Variants in VPS8 observed in about 807,000 individuals in gnomAD.
VPS8 encodes VPS8 subunit of CORVET complex, also known as vacuolar protein sorting-associated protein 8 homolog.
In VPS8, 129 loss-of-function variants were observed where a neutral mutation model predicts 216.4. The observed-to-expected ratio is 0.60, with a 90% CI of 0.52 to 0.69. The LOEUF is 0.69. Ranked by LOEUF, VPS8 falls within the 30% of genes least tolerant of loss-of-function variation. The probability of loss-of-function intolerance (pLI) is 0.00; values close to 1 mark genes in which losing one functional copy is unlikely to be tolerated. For synonymous variants in VPS8, 571 were observed against 565.4 expected (o/e 1.01, Z -0.14); for missense variants, 1,531 against 1,683.5 (o/e 0.91, Z 1.59).
At chr3:184,966,794 A>C in intron 39 of VPS8, 81 bp downstream of exon 39, 1 of 1,072,214 alleles carries the variant, frequency 9.3e-7, no homozygotes, top group South Asian at 1.7e-5. Flanking sequence ...TGCATTTATT[A>C]TGTAATAATT....
At chr3:185,051,289 T>G (rs989650063) in intron 47 of VPS8, among the ~76,000 whole-genome samples, 1 of 152,028 alleles carries the variant, frequency 6.6e-6, no homozygotes, top group African/African-American at 2.4e-5. Flanking sequence ...ATAAGGAAGC[T>G]GGGAGCAAAG....
At chr3:184,928,931 T>G (rs952309759) in intron 32 of VPS8, among the ~76,000 whole-genome samples, 5 of 152,196 alleles carry the variant, frequency 3.3e-5, no homozygotes, top group African/African-American at 1.2e-4. Flanking sequence ...GTATGCTGTA[T>G]TTATATGACA....
chr3:184,860,462 CACACAT>C (rs1291442671), intron 15 of VPS8, among the ~76,000 whole-genome samples: 1 of 77,000 alleles, frequency 1.3e-5, no homozygotes, highest in East Asian at 5.3e-4. Context: ...TATGTATACA[CACACAT>C]ACACACACAC....
At chr3:185,051,492 C>T (rs1466226558) in intron 47 of VPS8, among the ~76,000 whole-genome samples, 1 of 152,054 alleles carries the variant, frequency 6.6e-6, no homozygotes, top group Admixed American at 6.5e-5. Context: ...GAGCTGAGAA[C>T]AGAGCTCCTC....
In VPS8 at chr3:184,815,277, T is replaced by C. The variant is rs143039513; in HGVS notation, c.-89+3052T>C. 3.5e-3 allele frequency among the ~76,000 whole-genome samples: 526 copies of C among 152,336 alleles called. 8 individuals carry two copies. Among genetic ancestry groups the C allele is most frequent in the African/African-American group, 0.012 (495 of 41,576 alleles). Reference sequence around the variant, plus strand: ...GCACATAGTTTATTATCAAGTATTATGTACTGCACATAATTGTATGTGCTT... The same window carrying C: ...GCACATAGTTTATTATCAAGTATTACGTACTGCACATAATTGTATGTGCTT... On this transcript the variant is annotated intron_variant, in intron 1 of 47. Transcript: ENST00000625842.
chr3:184,819,985 C>T (rs1007176068), intron 1 of VPS8, among the ~76,000 whole-genome samples: 17 of 152,086 alleles, frequency 1.1e-4, no homozygotes, highest in Non-Finnish European at 7.4e-5. Context: ...CTTGTCTGAA[C>T]GTTGAGTAGG....
At chr3:184,996,638 C>T in intron 44 of VPS8, 137 bp downstream of exon 44, 2 of 963,222 alleles carry the variant, frequency 2.1e-6, no homozygotes, top group East Asian at 5.1e-5. Context: ...ACAGACCTTA[C>T]ATTCTGCATT....
chr3:184,843,838 AAGTTTT>A (rs1722622040), intron 8 of VPS8, among the ~76,000 whole-genome samples: 1 of 152,182 alleles, frequency 6.6e-6, no homozygotes, highest in South Asian at 2.1e-4. Context: ...TTTACTGTTT[AAGTTTT>A]AAAGTACAGT....
At chr3:184,974,909 G>A (rs770489910) in intron 40 of VPS8, among the ~76,000 whole-genome samples, 10 of 151,976 alleles carry the variant, frequency 6.6e-5, no homozygotes, top group African/African-American at 9.7e-5. Context: ...CTATTTCGTT[G>A]GTCTATGTGT....
intron 45 of VPS8, among the ~76,000 whole-genome samples, chr3:185,020,251 T>C (rs1302456929): frequency 2.0e-5 from 3 of 152,230 alleles, no homozygotes; most frequent in Non-Finnish European, 2.9e-5. Context: ...AACTGCTTTG[T>C]AGCCATGAAA....
intron 45 of VPS8, among the ~76,000 whole-genome samples, chr3:185,018,258 T>G (rs1425292002): frequency 6.6e-6 from 1 of 152,252 alleles, no homozygotes; most frequent in African/African-American, 2.4e-5. Context: ...CAGCCGGATC[T>G]GCAATCACCT....
At chr3:184,872,954 A>G (rs1464163254) in intron 21 of VPS8, among the ~76,000 whole-genome samples, 1 of 152,132 alleles carries the variant, frequency 6.6e-6, no homozygotes, top group Non-Finnish European at 1.5e-5. Context: ...CATATAACTA[A>G]AGATACATAC....
chr3:184,996,894 T>C (rs1752684869), intron 44 of VPS8, among the ~76,000 whole-genome samples: 1 of 152,110 alleles, frequency 6.6e-6, no homozygotes, highest in South Asian at 2.1e-4. Flanking sequence ...GTGTATTAGA[T>C]GTGGAGTATA....
At chr3:184,916,301 G>A (rs544540204) in intron 28 of VPS8, among the ~76,000 whole-genome samples, 3 of 152,220 alleles carry the variant, frequency 2.0e-5, no homozygotes, top group South Asian at 4.1e-4. Flanking sequence ...GAATTAAATG[G>A]TATTGTTGTT....
At chr3:184,913,478 T>G (rs762868776) in intron 25 of VPS8, 41 bp from the exon 26 acceptor site, 1 of 1,525,650 alleles carries the variant, frequency 6.6e-7, no homozygotes, top group East Asian at 2.3e-5. Flanking sequence ...TGAAAAGGTT[T>G]TGAGAGAAAA....
At chr3:184,881,853 G>A (rs868652203) in intron 21 of VPS8, among the ~76,000 whole-genome samples, 14 of 151,736 alleles carry the variant, frequency 9.2e-5, no homozygotes, top group African/African-American at 3.1e-4. Context: ...TTTTTTCTTA[G>A]CAGTTTTAAA....
chr3:185,007,707 C>T (rs1043701062), intron 45 of VPS8, among the ~76,000 whole-genome samples: 9 of 152,110 alleles, frequency 5.9e-5, no homozygotes, highest in Non-Finnish European at 8.8e-5. Flanking sequence ...CTGAGTTTTT[C>T]CCCACTACTT....
intron 39 of VPS8, among the ~76,000 whole-genome samples, chr3:184,971,399 A>G (rs1748378778): frequency 6.6e-6 from 1 of 152,246 alleles, no homozygotes; most frequent in African/African-American, 2.4e-5. Flanking sequence ...CCATATTTCC[A>G]TAGCATATTG....
At chr3:184,983,184 G>A (rs1444540165) in intron 42 of VPS8, 90 bp downstream of exon 42, 1 of 1,164,714 alleles carries the variant, frequency 8.6e-7, no homozygotes, top group East Asian at 2.9e-5. Context: ...ATATTTAAAT[G>A]GATCTCAAGC....
Sources: allele counts gnomAD v4.1 joint callset (sites outside exome capture counted in the v4.1 genomes callset), GRCh38; gene constraint gnomAD v4.1.1; transcripts MANE v1.5; gene names NCBI Gene and HGNC (gene_info 2026-07-23, HGNC 2026-07-21).